Variants in MOCOS observed in about 807,000 individuals in gnomAD.
MOCOS encodes the protein human molybdenum cofactor sulfurase.
In MOCOS, 86 loss-of-function variants were observed where a neutral mutation model predicts 83.6. The ratio of observed to expected loss-of-function variants is 1.03; its 90% CI spans 0.86 to 1.23. The LOEUF (loss-of-function observed/expected upper bound fraction) is 1.23. MOCOS is among the 50% of genes most tolerant of loss of function. The pLI, the probability that MOCOS is intolerant of heterozygous loss-of-function variation, is 0.00. For missense variants in MOCOS, 1,120 were observed against 1,126.9 expected, an observed-to-expected ratio of 0.99 and a Z score of 0.09; for synonymous variants, 445 against 434.7, an observed-to-expected ratio of 1.02 and a Z score of -0.29.
intron 6 of MOCOS, among the ~76,000 whole-genome samples, chr18:36,205,686 T>C (rs1169619550): frequency 6.6e-6 from 1 of 152,168 alleles, no homozygotes; most frequent in Non-Finnish European, 1.5e-5. Flanking sequence ...GATTCAATCG[T>C]TGGGTGTTTG....
At chr18:36,203,238 G>C in intron 5 of MOCOS, 49 bp downstream of exon 5, 9 of 1,533,324 alleles carry the variant, frequency 5.9e-6, no homozygotes, top group Non-Finnish European at 8.1e-6. Context: ...TTGTGTCCTT[G>C]AGGGAGCTCT....
In MOCOS at chr18:36,217,172, G is replaced by C. The variant is rs548442239; in HGVS notation, c.1797+1195G>C. Among the ~76,000 whole-genome samples the C allele has an allele frequency of 1.3e-4, 20 of 152,196 alleles. No homozygotes were observed. In the South Asian group the frequency reaches 3.5e-3, roughly 27 times the overall value. On this transcript the variant is annotated intron_variant, in intron 8 of 14. Coordinates refer to ENST00000261326, the MANE Select transcript of MOCOS (RefSeq NM_017947.4). ...TCAATGGTAATTCCTAATTTTGATG[G>C]TTGTACTGGGGTTATGTCAGAGAGT...
intron 9 of MOCOS, among the ~76,000 whole-genome samples, chr18:36,247,597 C>G (rs926436741): frequency 4.6e-5 from 7 of 152,154 alleles, no homozygotes; most frequent in African/African-American, 1.7e-4. Flanking sequence ...GCTGCTTCTA[C>G]TTTTATATTT....
chr18:36,208,057 TC>T (rs2144909143), intron 6 of MOCOS, among the ~76,000 whole-genome samples: 1 of 152,298 alleles, frequency 6.6e-6, no homozygotes, highest in Non-Finnish European at 1.5e-5. Context: ...GGGAGTCTTT[TC>T]CCCATTGCTT....
At chr18:36,236,608 A>G (rs1223847607) in intron 9 of MOCOS, among the ~76,000 whole-genome samples, 5 of 123,026 alleles carry the variant, frequency 4.1e-5, no homozygotes, top group South Asian at 2.6e-4. Context: ...TTGACTTGGC[A>G]ATGCGGGCTC....
At chr18:36,241,606 GC>G (rs1247972186) in intron 9 of MOCOS, among the ~76,000 whole-genome samples, 4 of 152,206 alleles carry the variant, frequency 2.6e-5, no homozygotes, top group Non-Finnish European at 5.9e-5. Context: ...TCTTCTCACA[GC>G]TCCACTAGGC....
intron 13 of MOCOS, among the ~76,000 whole-genome samples, chr18:36,263,179 T>C (rs1449959294): frequency 6.6e-6 from 1 of 152,220 alleles, no homozygotes; most frequent in African/African-American, 2.4e-5. Context: ...ACTGTGAAAC[T>C]AGCACATCTC....
At chr18:36,264,293 A>T (rs940122872) in intron 13 of MOCOS, among the ~76,000 whole-genome samples, 2 of 151,290 alleles carry the variant, frequency 1.3e-5, no homozygotes, top group African/African-American at 2.4e-5. Context: ...ATTTTTACAG[A>T]AGTTGTTGCC....
chr18:36,240,962 G>A (rs930659370), intron 9 of MOCOS, among the ~76,000 whole-genome samples: 4 of 152,004 alleles, frequency 2.6e-5, no homozygotes, highest in Non-Finnish European at 4.4e-5. Context: ...TGTGCTTCCC[G>A]AGTGAGGCAA....
rs1419420604 is a variant in MOCOS, at chr18:36,215,595, T to A, written c.1415T>A (p.Met472Lys). Residue 472 changes from methionine (M) to lysine (K), a missense_variant, in exon 8 of 15, where the codon ATG becomes AAG. By Grantham distance (95) the Met-to-Lys change is moderately conservative (BLOSUM62 -1). Transcript: ENST00000261326. ...TCTGTGAGGATTTCATTTGGATACA[T>A]GTCGACGCTGGATGATGTCCAGGCC... ...TGSVRISFGY[M>K]STLDDVQAFL... The A allele has an allele frequency of 3.1e-6, 5 of 1,614,056 alleles. No homozygotes were observed. Among genetic ancestry groups the A allele is most frequent in the Non-Finnish European group, 4.2e-6 (5 of 1,180,046 alleles).
chr18:36,251,397 GGGTC>G, intron 11 of MOCOS, 114 bp downstream of exon 11: 1 of 1,400,310 alleles, frequency 7.1e-7, no homozygotes, highest in South Asian at 1.2e-5. Flanking sequence ...TGGAAAGCAG[GGGTC>G]ATCAGCCTTT....
At chr18:36,229,432 C>T (rs1682298178) in intron 9 of MOCOS, among the ~76,000 whole-genome samples, 1 of 152,038 alleles carries the variant, frequency 6.6e-6, no homozygotes, top group Admixed American at 6.6e-5. Context: ...TTGCCTTTTT[C>T]CTTCCTTTTG....
chr18:36,268,154 T>G (rs1244626882), intron 14 of MOCOS, among the ~76,000 whole-genome samples: 3 of 152,224 alleles, frequency 2.0e-5, no homozygotes, highest in African/African-American at 7.2e-5. Context: ...TGCAGAGTTC[T>G]GCCACTGTCT....
At chr18:36,258,414 T>C (rs917408436) in intron 12 of MOCOS, among the ~76,000 whole-genome samples, 2 of 152,184 alleles carry the variant, frequency 1.3e-5, no homozygotes, top group African/African-American at 4.8e-5. Flanking sequence ...AGAGAGTTGA[T>C]CCAGAATCAA....
In MOCOS at chr18:36,241,586, AC is replaced by A. The variant is rs1365273070; in HGVS notation, c.1961-7335del. Among the ~76,000 whole-genome samples the A allele has an allele frequency of 2.0e-5, 3 of 152,272 alleles. No homozygotes were observed. The East Asian group carries it at 5.8e-4, about 29-fold the overall frequency. ...GATCTATCATTCTGGGGTCTGGAGG[AC>A]AGTGGCCCTCTTCTCACAGCTCCAC... is the stretch of plus-strand genomic sequence containing the variant. On this transcript the variant is annotated intron_variant, in intron 9 of 14. Coordinates refer to ENST00000261326, the MANE Select transcript of MOCOS (RefSeq NM_017947.4).
chr18:36,223,986 C>A (rs541412963), intron 9 of MOCOS, among the ~76,000 whole-genome samples: 2 of 152,232 alleles, frequency 1.3e-5, no homozygotes, highest in South Asian at 2.1e-4. Context: ...CATGTGCCAC[C>A]ATGCCTGGTC....
intron 2 of MOCOS, among the ~76,000 whole-genome samples, chr18:36,196,521 G>A (rs1297669435): frequency 7.2e-5 from 11 of 152,118 alleles, no homozygotes; most frequent in Admixed American, 3.9e-4. Context: ...CCTCGATTCA[G>A]GATACTTCTG....
chr18:36,203,690 G>A (rs996014838), intron 5 of MOCOS, among the ~76,000 whole-genome samples: 1 of 152,234 alleles, frequency 6.6e-6, no homozygotes, highest in Non-Finnish European at 1.5e-5. Context: ...TGTGTCTGCC[G>A]ATGGTCTTCG....
chr18:36,202,306 C>CAACT (rs1555651565), intron 4 of MOCOS, among the ~76,000 whole-genome samples: 2 of 152,228 alleles, frequency 1.3e-5, no homozygotes, highest in Non-Finnish European at 2.9e-5. Flanking sequence ...AATTGTCAAT[C>CAACT]AATAACTGGC....
Sources: allele counts gnomAD v4.1 joint callset (sites outside exome capture counted in the v4.1 genomes callset), GRCh38; gene constraint gnomAD v4.1.1; transcripts MANE v1.5; gene names NCBI Gene and HGNC (gene_info 2026-07-23, HGNC 2026-07-21).